P2RX7: variants seen among roughly 807,000 people sequenced by gnomAD.
The protein encoded by P2RX7 is P2X purinoceptor 7.
In P2RX7, 62 loss-of-function variants were observed where a neutral mutation model predicts 71.6. The observed-to-expected ratio is 0.87, with a 90% confidence interval of 0.71 to 1.07. The LOEUF (loss-of-function observed/expected upper bound fraction) is 1.07, where lower values mean the gene tolerates loss of function less well. Among genes scored for constraint, P2RX7 ranks in the 50% least tolerant of loss-of-function variants. P2RX7 has a pLI of 0.00. For synonymous variants in P2RX7, 299 were observed against 283.3 expected (o/e 1.06, Z -0.56); for missense variants, 686 against 748.5 (o/e 0.92, Z 0.97).
rs1422381888 is a variant in P2RX7 at position 121,175,625 on chromosome 12, T to C, written c.972+147T>C. The C allele has an allele frequency of 6.0e-5, 36 of 596,464 alleles. No homozygotes were observed. The Admixed American group carries it at 9.6e-4, about 16-fold the overall frequency. The allele number at this position is 596,464 out of a possible 1,614,324, so 36.9% of individuals were successfully genotyped here. A position where few individuals can be genotyped will look rare whatever the true frequency, so the allele number is the denominator to read the frequency against. On this transcript the variant is annotated intron_variant, in intron 9 of 12. Coordinates refer to ENST00000328963, the MANE Select transcript of P2RX7 (RefSeq NM_002562.6). ...CACATGGGATAAAAGAGGAAGAAGA[T>C]GTTCTCGGGCTGCTGTCCCTGAATG...
chr12:121,139,920 T>TG lies in P2RX7; in HGVS notation c.125+6829dup, dbSNP rs1440833842. Among the ~76,000 whole-genome samples, 7 of 152,152 alleles carry TG rather than the reference T, an allele frequency of 4.6e-5. No homozygotes were observed. The East Asian group carries it at 1.4e-3, about 29-fold the overall frequency. ...ATAATGTCTGTATTTTTAGTAGAGA[T>TG]GGGGTTCTGCTATGTTGGCTAGGCT... On this transcript the variant is annotated intron_variant, in intron 1 of 12. Transcript: ENST00000328963.
At chr12:121,170,323 C>T (rs796305216) in intron 8 of P2RX7, among the ~76,000 whole-genome samples, 49 of 152,244 alleles carry the variant, frequency 3.2e-4, no homozygotes, top group African/African-American at 1.2e-3. Flanking sequence ...CAGCAAGTGT[C>T]CTTCCAGCGA....
In P2RX7 at chr12:121,180,431, A is replaced by T. The variant is rs1883945646; in HGVS notation, c.1266A>T (p.Gln422His). Residue 422 changes from glutamine to histidine, a missense_variant, in exon 12 of 13, where the codon CAA becomes CAT. Transcript: ENST00000328963. Reference protein sequence around the residue: ...VNQQLLGRSLQDVKGQEVPRP... With the variant: ...VNQQLLGRSLHDVKGQEVPRP... ...AGCAGCTACTAGGGAGAAGTCTGCA[A>T]GATGTCAAGGGCCAAGAAGTCCCAG... The T allele has an allele frequency of 1.9e-6, 3 of 1,600,634 alleles. No homozygotes were observed. The highest frequency in any genetic ancestry group is 2.7e-5 in the African/African-American group (2 of 74,412).
intron 9 of P2RX7, among the ~76,000 whole-genome samples, chr12:121,175,968 T>C (rs891677122): frequency 3.9e-5 from 6 of 152,092 alleles, no homozygotes; most frequent in African/African-American, 1.4e-4. Flanking sequence ...TTGGCAGCCA[T>C]CTCTCTATGA....
chr12:121,165,492 A>T, intron 6 of P2RX7, 55 bp downstream of exon 6: 1 of 1,370,670 alleles, frequency 7.3e-7, no homozygotes. Flanking sequence ...GTAATAAATT[A>T]TCCCAAACCT....
At chr12:121,137,694 T>G (rs1873985064) in intron 1 of P2RX7, among the ~76,000 whole-genome samples, 1 of 152,204 alleles carries the variant, frequency 6.6e-6, no homozygotes, top group South Asian at 2.1e-4. Context: ...CGTGTAACCA[T>G]GACTTAGCCA....
chr12:121,171,691 C>T (rs12321707), intron 8 of P2RX7, among the ~76,000 whole-genome samples: 16,156 of 151,856 alleles, frequency 0.11, 966 homozygotes, highest in African/African-American at 0.17. Context: ...GTTCAAGGCC[C>T]GATGTTTCTC....
At chr12:121,159,157 G>A (rs908129835) in intron 3 of P2RX7, among the ~76,000 whole-genome samples, 2 of 152,180 alleles carry the variant, frequency 1.3e-5, no homozygotes, top group Non-Finnish European at 2.9e-5. Context: ...GATGGCTCAC[G>A]CCTATAATCC....
At chr12:121,136,176 C>A (rs193183060) in intron 1 of P2RX7, among the ~76,000 whole-genome samples, 1 of 147,304 alleles carries the variant, frequency 6.8e-6, no homozygotes, top group Non-Finnish European at 1.5e-5. Flanking sequence ...TAAGACATAT[C>A]ACTTAAACCA....
chr12:121,162,569 T>A (rs201415110), intron 5 of P2RX7, 49 bp downstream of exon 5: 6 of 1,599,892 alleles, frequency 3.8e-6, no homozygotes, highest in Non-Finnish European at 5.1e-6. Flanking sequence ...GGCGACCAGA[T>A]GAGGCCTTGC....
At chr12:121,140,282 G>A (rs543270946) in intron 1 of P2RX7, among the ~76,000 whole-genome samples, 2 of 152,344 alleles carry the variant, frequency 1.3e-5, no homozygotes, top group Admixed American at 1.3e-4. Context: ...AGAGGAGGGA[G>A]CAGCCGGAGC....
intron 8 of P2RX7, among the ~76,000 whole-genome samples, chr12:121,171,667 C>T (rs900046833): frequency 6.6e-6 from 1 of 151,948 alleles, no homozygotes; most frequent in South Asian, 2.1e-4. Flanking sequence ...TTCCAGTGTA[C>T]GAAAAACACT....
Position 121,167,558 on chromosome 12 carries a change from A to G in P2RX7, c.815A>G (p.Lys272Arg). Residue 272 changes from lysine to arginine, a missense_variant, in exon 8 of 13, where the codon AAA becomes AGA. By Grantham distance (26) the Lys-to-Arg change is conservative. Transcript: ENST00000328963. ...LDRWFHHCRP[K>R]YSFRRLDDKT... ...CGTTGGTTCCATCACTGCCGTCCCA[A>G]ATACAGTTTCCGTCGCCTTGACGAC... 1 of 1,613,050 alleles carries G rather than the reference A, an allele frequency of 6.2e-7. No individual in the cohort carries two copies. Among genetic ancestry groups the G allele is most frequent in the Non-Finnish European group, 8.5e-7 (1 of 1,179,568 alleles).
chr12:121,167,382 T>C, intron 7 of P2RX7, 106 bp from the exon 8 acceptor site: 1 of 1,345,662 alleles, frequency 7.4e-7, no homozygotes, highest in Admixed American at 1.9e-5. Context: ...CAATCAGCAT[T>C]TTTCCTCTAA....
intron 1 of P2RX7, among the ~76,000 whole-genome samples, chr12:121,133,662 C>A (rs591874): frequency 0.61 from 92,562 of 152,078 alleles, 31,315 homozygotes; most frequent in Middle Eastern, 0.8. Context: ...ACCATCCCCA[C>A]AATCAATTTT....
At chr12:121,164,711 G>A (rs1217059441) in intron 5 of P2RX7, among the ~76,000 whole-genome samples, 1 of 152,174 alleles carries the variant, frequency 6.6e-6, no homozygotes, top group Non-Finnish European at 1.5e-5. Flanking sequence ...GAACCCGGGA[G>A]GTGGAGGTTG....
In P2RX7 at chr12:121,149,778, C is replaced by T. The variant is rs146096862; in HGVS notation, c.126-5007C>T. 1.2e-3 allele frequency among the ~76,000 whole-genome samples: 178 copies of T among 152,150 alleles called. 1 individual carries two copies. Among genetic ancestry groups the T allele is most frequent in the African/African-American group, 4.1e-3 (169 of 41,500 alleles). ...GAGACTGGAGTCTCACTGTGTTGCC[C>T]AGGCTTGTCTTGAACTCCTGGGCTC... On this transcript the variant is annotated intron_variant, in intron 1 of 12. Transcript: ENST00000328963. The surrounding 1 kb of genome is among the most constrained non-coding windows in gnomAD (Gnocchi z 4.7).
intron 5 of P2RX7, among the ~76,000 whole-genome samples, chr12:121,163,544 T>C (rs1880268303): frequency 6.9e-6 from 1 of 143,942 alleles, no homozygotes; most frequent in Non-Finnish European, 1.5e-5. Context: ...AGATGATAGA[T>C]GATAGATAGA....
intron 1 of P2RX7, among the ~76,000 whole-genome samples, chr12:121,145,699 G>T (rs1876029154): frequency 6.6e-6 from 1 of 151,918 alleles, no homozygotes; most frequent in South Asian, 2.1e-4. Context: ...GTAGAGACGG[G>T]GTTTCACCAT....
Sources: gnomAD v4.1 joint callset for allele counts (sites outside exome capture counted in the v4.1 genomes callset) on GRCh38, gnomAD v4.1.1 for gene constraint, Gnocchi (gnomAD v3.1) non-coding constraint, MANE v1.5 for transcripts, NCBI Gene and HGNC (gene_info 2026-07-23, HGNC 2026-07-21) for gene names.